The following AGBL4 variants were observed in gnomAD, a reference collection of about 807,000 sequenced individuals.
AGBL4 encodes the protein cytosolic carboxypeptidase 6.
AGBL4 carries 58 observed loss-of-function variants against 66.4 expected under a neutral mutation model. The ratio of observed to expected loss-of-function variants is 0.87; its 90% CI spans 0.71 to 1.09. AGBL4 has a LOEUF of 1.09. Ranked by LOEUF, AGBL4 falls within the 50% of genes least tolerant of loss-of-function variation. The pLI is 0.00. For synonymous variants in AGBL4, 234 were observed against 222.9 expected (o/e 1.05, Z -0.44); for missense variants, 579 against 631.0 (o/e 0.92, Z 0.88).
In AGBL4 at chr1:49,371,892, C is replaced by A. The variant is rs190009804; in HGVS notation, c.283-126028G>T. 2.7e-5 allele frequency among the ~76,000 whole-genome samples: 4 copies of A among 150,514 alleles called. No homozygotes were observed. In the Admixed American group the frequency reaches 2.7e-4, roughly 10 times the overall value. ...GTTTAAATAGACACCTCTATTGTAACCCTGATGGTGTCTCAGACCTCCAAA... is the reference window on the plus strand; with the variant it reads ...GTTTAAATAGACACCTCTATTGTAAACCTGATGGTGTCTCAGACCTCCAAA... On this transcript the variant is annotated intron_variant, in intron 3 of 13. Transcript: ENST00000371839.
chr1:49,710,937 G>T (rs966674554), intron 2 of AGBL4, among the ~76,000 whole-genome samples: 2 of 151,658 alleles, frequency 1.3e-5, no homozygotes, highest in Admixed American at 1.3e-4. Flanking sequence ...CTCAGAAAAA[G>T]AAAACAAGAT....
chr1:49,247,637 C>A (rs560400315), intron 3 of AGBL4, among the ~76,000 whole-genome samples: 117 of 151,948 alleles, frequency 7.7e-4, no homozygotes, highest in Admixed American at 1.8e-3. Context: ...AACCTGGAAG[C>A]CATACTGCAC....
intron 6 of AGBL4, among the ~76,000 whole-genome samples, chr1:48,760,409 C>T (rs1644192585): frequency 1.3e-5 from 2 of 152,212 alleles, no homozygotes; most frequent in South Asian, 4.1e-4. Context: ...CCAAATCAAA[C>T]CCAGCCCAAT....
chr1:48,676,722 A>G (rs962860525), intron 6 of AGBL4, among the ~76,000 whole-genome samples: 9 of 152,088 alleles, frequency 5.9e-5, no homozygotes, highest in Admixed American at 2.0e-4. Context: ...TCCCCTAGGT[A>G]TGTGAGGCTA....
intron 3 of AGBL4, among the ~76,000 whole-genome samples, chr1:49,433,513 A>G (rs192858848): frequency 1.2e-3 from 190 of 152,252 alleles, no homozygotes; most frequent in African/African-American, 4.4e-3. Context: ...ATAGGAACAC[A>G]CTTTAGTTTT....
chr1:48,955,700 T>C (rs1177557946), intron 5 of AGBL4, among the ~76,000 whole-genome samples: 1 of 152,114 alleles, frequency 6.6e-6, no homozygotes, highest in African/African-American at 2.4e-5. Flanking sequence ...CTCTAGTTTG[T>C]TTACCTTGGT....
At chr1:49,258,742 A>G (rs1345201537) in intron 3 of AGBL4, among the ~76,000 whole-genome samples, 4 of 152,254 alleles carry the variant, frequency 2.6e-5, no homozygotes, top group Non-Finnish European at 2.9e-5. Context: ...GCAGGATATT[A>G]TCCAGGAGAA....
chr1:50,005,594 C>T (rs1276263177), intron 1 of AGBL4, among the ~76,000 whole-genome samples: 1 of 152,200 alleles, frequency 6.6e-6, no homozygotes, highest in African/African-American at 2.4e-5. Flanking sequence ...AATGCCCATA[C>T]ACCAACAAAC....
intron 1 of AGBL4, among the ~76,000 whole-genome samples, chr1:50,003,535 A>C (rs1196521191): frequency 6.6e-6 from 1 of 152,248 alleles, no homozygotes; most frequent in East Asian, 1.9e-4. Context: ...TCTTTTCAGC[A>C]CTAAATATTC....
intron 9 of AGBL4, among the ~76,000 whole-genome samples, chr1:48,600,453 G>T (rs952380329): frequency 2.0e-5 from 3 of 151,366 alleles, no homozygotes; most frequent in Non-Finnish European, 4.4e-5. Context: ...GGTTGTGTGG[G>T]AACCCGAGAT....
At chr1:49,749,661 T>C (rs1651290666) in intron 2 of AGBL4, among the ~76,000 whole-genome samples, 1 of 152,122 alleles carries the variant, frequency 6.6e-6, no homozygotes, top group Non-Finnish European at 1.5e-5. Flanking sequence ...TTCACGGTTA[T>C]ATCAAAAAAA....
chr1:49,359,986 T>C (rs1488084334), intron 3 of AGBL4, among the ~76,000 whole-genome samples: 2 of 152,050 alleles, frequency 1.3e-5, no homozygotes, highest in Non-Finnish European at 2.9e-5. Flanking sequence ...GCCTGATGAG[T>C]GTCGACGTGC....
chr1:49,716,780 AAAT>A (rs1648176537), intron 2 of AGBL4, among the ~76,000 whole-genome samples: 1 of 152,096 alleles, frequency 6.6e-6, no homozygotes, highest in South Asian at 2.1e-4. Context: ...ACATATCTCA[AAAT>A]AATAAGAGCT....
intron 2 of AGBL4, among the ~76,000 whole-genome samples, chr1:49,832,407 T>G (rs1041205664): frequency 4.9e-4 from 74 of 150,846 alleles, no homozygotes; most frequent in African/African-American, 1.7e-3. Context: ...TGTTGGACAT[T>G]TGGCTTGGTT....
intron 3 of AGBL4, among the ~76,000 whole-genome samples, chr1:49,620,768 T>C (rs1184402645): frequency 2.0e-5 from 3 of 152,152 alleles, no homozygotes; most frequent in African/African-American, 7.2e-5. Flanking sequence ...GAATAACAGG[T>C]CAATATTAGG....
chr1:49,321,809 T>G (rs937558479), intron 3 of AGBL4, among the ~76,000 whole-genome samples: 6 of 152,206 alleles, frequency 3.9e-5, no homozygotes, highest in African/African-American at 1.4e-4. Flanking sequence ...CTATATATCC[T>G]TTGCATTCAG....
At chr1:49,362,449 C>CA (rs145467066) in intron 3 of AGBL4, among the ~76,000 whole-genome samples, 3,036 of 80,600 alleles carry the variant, frequency 0.038, 88 homozygotes, top group East Asian at 0.16. Flanking sequence ...GACCCTGTCT[C>CA]AAAAAAAAAA....
At chr1:48,666,464 C>T (rs1420372632) in intron 6 of AGBL4, among the ~76,000 whole-genome samples, 19 of 152,232 alleles carry the variant, frequency 1.2e-4, no homozygotes, top group Non-Finnish European at 2.6e-4. Flanking sequence ...CTACACCTGG[C>T]TCCCCAGTTA....
chr1:49,572,861 C>T (rs1644358901), intron 3 of AGBL4, among the ~76,000 whole-genome samples: 1 of 152,096 alleles, frequency 6.6e-6, no homozygotes, highest in Admixed American at 6.6e-5. Context: ...AGGGCAGACC[C>T]ATCCTTAATT....
Sources: gnomAD v4.1 joint callset for allele counts (sites outside exome capture counted in the v4.1 genomes callset) on GRCh38, gnomAD v4.1.1 for gene constraint, MANE v1.5 for transcripts, NCBI Gene and HGNC (gene_info 2026-07-23, HGNC 2026-07-21) for gene names.